Variants in AFDN observed in about 807,000 individuals in gnomAD.
The protein encoded by AFDN is afadin.
AFDN carries 68 observed loss-of-function variants against 216.6 expected under a neutral mutation model. The ratio of observed to expected loss-of-function variants is 0.31; its 90% confidence interval spans 0.26 to 0.38. AFDN has a LOEUF of 0.38. Ranked by LOEUF, AFDN falls within the 10% of genes least tolerant of loss-of-function variation. AFDN has a pLI of 1.00. For missense variants in AFDN, 2,136 were observed against 2,342.0 expected (o/e 0.91, Z 1.82); for synonymous variants, 868 against 853.7 (o/e 1.02, Z -0.29).
chr6:167,952,008 A>G lies in AFDN; in HGVS notation c.4654A>G (p.Ser1552Gly), dbSNP rs1437676887. Residue 1552 changes from serine (S) to glycine (G), a missense_variant, in exon 30 of 34, where the codon AGC becomes GGC. Physicochemically the swap from Ser to Gly is moderately conservative, Grantham distance 56. Transcript: ENST00000683244. The part of the protein sequence containing the change: ...MLSKEIQELQ[S>G]KPDRSAEESD... ...GAGCAAGGAGATCCAGGAGCTCCAGAGCAAACCGGACCGCAGCGCCGAGGA... is the reference window on the plus strand; with the variant it reads ...GAGCAAGGAGATCCAGGAGCTCCAGGGCAAACCGGACCGCAGCGCCGAGGA... 4.3e-6 allele frequency: 7 copies of G among 1,614,096 alleles called. No homozygotes were observed. Among genetic ancestry groups the G allele is most frequent in the East Asian group, 4.5e-5 (2 of 44,878 alleles).
At chr6:167,901,776 G>A (rs189559871) in intron 11 of AFDN, among the ~76,000 whole-genome samples, 205 of 151,558 alleles carry the variant, frequency 1.4e-3, no homozygotes, top group Middle Eastern at 3.4e-3. Context: ...TTTATGTTCC[G>A]TTTCTTGTAT....
At chr6:167,849,887 T>G (rs1349535331) in intron 1 of AFDN, among the ~76,000 whole-genome samples, 2 of 152,230 alleles carry the variant, frequency 1.3e-5, no homozygotes, top group Admixed American at 6.5e-5. Flanking sequence ...TCTAGGTTCC[T>G]TTTGTAAGTT....
At chr6:167,944,083 A>G (rs1356263410) in intron 26 of AFDN, 24 bp downstream of exon 26, 1 of 1,557,736 alleles carries the variant, frequency 6.4e-7, no homozygotes, top group Non-Finnish European at 8.9e-7. Context: ...GGGAAACAAC[A>G]GTGTTTTACA....
At chr6:167,836,442 A>G (rs910926114) in intron 1 of AFDN, among the ~76,000 whole-genome samples, 1 of 152,210 alleles carries the variant, frequency 6.6e-6, no homozygotes, top group Non-Finnish European at 1.5e-5. Context: ...TTTCCTGAGA[A>G]ACAGACACAC....
intron 23 of AFDN, among the ~76,000 whole-genome samples, chr6:167,942,152 G>C (rs1293872404): frequency 6.6e-6 from 1 of 152,168 alleles, no homozygotes; most frequent in Non-Finnish European, 1.5e-5. Flanking sequence ...CAGTCAGGCT[G>C]TCTTCTGTAA....
At chr6:167,906,643 C>T (rs748588826) in intron 12 of AFDN, among the ~76,000 whole-genome samples, 1 of 151,926 alleles carries the variant, frequency 6.6e-6, no homozygotes, top group African/African-American at 2.4e-5. Flanking sequence ...TTAAATATAC[C>T]TGATTGGGTT....
At chr6:167,879,648 T>C (rs113744140) in intron 5 of AFDN, among the ~76,000 whole-genome samples, 4 of 152,350 alleles carry the variant, frequency 2.6e-5, no homozygotes, top group African/African-American at 9.6e-5. Flanking sequence ...CATATACATG[T>C]AGATTTCCAT....
chr6:167,896,928 G>A lies in AFDN; in HGVS notation c.1273G>A (p.Val425Ile). The A allele has an allele frequency of 1.9e-6, 3 of 1,613,730 alleles. No homozygotes were observed. Among genetic ancestry groups the A allele is most frequent in the Non-Finnish European group, 2.5e-6 (3 of 1,179,708 alleles). Residue 425 changes from valine (V) to isoleucine (I), a missense_variant, in exon 10 of 34, where the codon GTT (valine) becomes ATT (isoleucine). Around this residue, in one of 8 missense-constraint regions of AFDN, gnomAD observed 817 missense variants for 965.7 expected, o/e 0.85. Transcript: ENST00000683244. ...KPKLYRLQLSVTEVGTEKLDD... is the reference protein window; with the variant it reads ...KPKLYRLQLSITEVGTEKLDD... ...AAAGCTTTACCGCCTTCAGTTAAGT[G>A]TTACTGAAGTTGGGACAGAAAAGTT...
Position 167,947,845 on chromosome 6 carries a change from T to C in AFDN, c.3554-8T>C. 1 of 1,599,580 alleles carries C rather than the reference T, an allele frequency of 6.3e-7. No individual in the cohort carries two copies. On this transcript the variant is annotated splice_region_variant and splice_polypyrimidine_tract_variant and intron_variant, in intron 27 of 33. Coordinates refer to ENST00000683244, the MANE Select transcript of AFDN (RefSeq NM_001386888.1). ...TACACTTTTTTTTTTCCCCCCTGAC[T>C]TGAGCAGATCAGCCTCCTAGTCCTG...
intron 1 of AFDN, among the ~76,000 whole-genome samples, chr6:167,854,651 C>T (rs190496651): frequency 1.3e-5 from 2 of 151,916 alleles, no homozygotes; most frequent in Admixed American, 1.3e-4. Flanking sequence ...TGCCGTCTGT[C>T]TGTCCCAACA....
chr6:167,923,996 C>T (rs918828501), intron 22 of AFDN, among the ~76,000 whole-genome samples: 2 of 152,064 alleles, frequency 1.3e-5, no homozygotes, highest in Non-Finnish European at 2.9e-5. Context: ...CTTCTGTTTA[C>T]CCAATTTTGT....
intron 12 of AFDN, among the ~76,000 whole-genome samples, chr6:167,904,697 A>G (rs1789431297): frequency 6.6e-6 from 1 of 152,086 alleles, no homozygotes; most frequent in Non-Finnish European, 1.5e-5. Flanking sequence ...CCCCGTTCCC[A>G]GTTGGTCCCT....
chr6:167,882,797 A>G (rs1786299514), intron 6 of AFDN, among the ~76,000 whole-genome samples: 1 of 152,214 alleles, frequency 6.6e-6, no homozygotes, highest in African/African-American at 2.4e-5. Flanking sequence ...CAAAGACCCA[A>G]ACCAAAGCTT....
chr6:167,889,231 G>C lies in AFDN; in HGVS notation c.914G>C (p.Gly305Ala). 6.2e-7 allele frequency: 1 copy of C among 1,613,424 alleles called. No homozygotes were observed. The highest frequency in any genetic ancestry group is 8.5e-7 in the Non-Finnish European group (1 of 1,179,654). The change falls in exon 7 of 34, where the codon GGA (glycine) becomes GCA (alanine). Residue 305 changes from glycine to alanine, a missense_variant. Gly to Ala is a moderately conservative substitution (Grantham distance 60, BLOSUM62 0). Transcript: ENST00000683244. ...TTTTTTTAGGTTATGCTTCCTCCTG[G>C]AGCCCAGCATTCTGATGAAAAGGGT... is the stretch of plus-strand genomic sequence containing the variant. The part of the protein sequence containing the change: ...YCIARVMLPP[G>A]AQHSDEKGAK...
At chr6:167,904,407 G>A (rs531605406) in intron 12 of AFDN, among the ~76,000 whole-genome samples, 73 of 151,868 alleles carry the variant, frequency 4.8e-4, no homozygotes, top group African/African-American at 1.7e-3. Flanking sequence ...ATCGTGTTTC[G>A]CCATGTTGCC....
chr6:167,897,026 A>G, intron 10 of AFDN, 54 bp downstream of exon 10: 1 of 994,776 alleles, frequency 1.0e-6, no homozygotes, highest in South Asian at 1.3e-5. Flanking sequence ...GGCATAACGT[A>G]TTGTACAGAG....
Position 167,947,430 on chromosome 6 carries a change from T to C in AFDN, c.3554-423T>C, listed in dbSNP as rs186666020. ...TCCTGACCTCGTGATCTGCCCGCCT[T>C]GGCCTCCCAAAGTGCTGGGATTACA... is the stretch of plus-strand genomic sequence containing the variant. On this transcript the variant is annotated intron_variant, in intron 27 of 33. Transcript: ENST00000683244. 3.9e-3 allele frequency among the ~76,000 whole-genome samples: 592 copies of C among 152,232 alleles called. 3 individuals are homozygous for C. Among genetic ancestry groups the C allele is most frequent in the African/African-American group, 0.011 (463 of 41,540 alleles).
At chr6:167,891,968 C>A (rs1787672370) in intron 8 of AFDN, among the ~76,000 whole-genome samples, 1 of 152,022 alleles carries the variant, frequency 6.6e-6, no homozygotes, top group Non-Finnish European at 1.5e-5. Context: ...ATTTTTTCTT[C>A]TTTGATTTTT....
At chr6:167,857,677 T>C (rs753297523) in intron 1 of AFDN, among the ~76,000 whole-genome samples, 3 of 152,136 alleles carry the variant, frequency 2.0e-5, no homozygotes, top group Admixed American at 6.5e-5. Flanking sequence ...GAGTTTATTA[T>C]ACTGATTACT....
Sources: allele counts gnomAD v4.1 joint callset (sites outside exome capture counted in the v4.1 genomes callset), GRCh38; gene constraint gnomAD v4.1.1; regional missense constraint gnomAD v4.1.1; transcripts MANE v1.5; gene names NCBI Gene and HGNC (gene_info 2026-07-23, HGNC 2026-07-21).